Variants in EPS8 observed in about 807,000 individuals in gnomAD.
EPS8 encodes EGFR pathway substrate 8, signaling adaptor, also known as epidermal growth factor receptor kinase substrate 8.
A neutral mutation model predicts 103.8 loss-of-function variants in EPS8; 42 were observed. That is an observed-to-expected ratio of 0.40 (90% CI 0.32 to 0.52). EPS8 has a LOEUF of 0.52. Among genes scored for constraint, EPS8 ranks in the 20% least tolerant of loss-of-function variants. EPS8 has a pLI of 0.40. For synonymous variants in EPS8, 344 were observed against 344.6 expected (o/e 1.00, Z 0.02); for missense variants, 969 against 1,005.1 (o/e 0.96, Z 0.49).
chr12:15,696,603 T>C lies in EPS8; in HGVS notation c.-21-13631A>G, dbSNP rs1271802121. Among the ~76,000 whole-genome samples the C allele has an allele frequency of 1.6e-4, 24 of 152,046 alleles. 1 individual carries two copies. The highest frequency in any genetic ancestry group is 1.6e-3 in the Admixed American group (24 of 15,260). ...TTGCAGTGAGCCAAGATCGCACCAT[T>C]GAACTCCAGCCTGGCGACAGAGCGA... is the stretch of plus-strand genomic sequence containing the variant. On this transcript the variant is annotated intron_variant, in intron 1 of 20. Transcript: ENST00000281172. This position sits in a 1 kb window ranked among gnomAD's most constrained non-coding sequence, Gnocchi z 4.8.
chr12:15,662,199 C>T (rs1945618141), intron 8 of EPS8, 100 bp from the exon 9 acceptor site: 1 of 1,549,474 alleles, frequency 6.5e-7, no homozygotes, highest in East Asian at 2.3e-5. Flanking sequence ...GGACCATTTG[C>T]CAAAGGGAAC....
Position 15,739,012 on chromosome 12 carries a change from C to T in EPS8, c.-22+50149G>A, listed in dbSNP as rs112897876. 1.2e-3 allele frequency among the ~76,000 whole-genome samples: 186 copies of T among 152,280 alleles called. 4 individuals carry two copies. The East Asian group carries it at 0.031, about 25-fold the overall frequency. On this transcript the variant is annotated intron_variant, in intron 1 of 20. Transcript: ENST00000281172. ...TGCTCTAATATAGCACAGACTACAT[C>T]CCTGGGTTACTATTCTAAGCCTAGA...
Position 15,640,084 on chromosome 12 carries a change from T to G in EPS8, c.1821+619A>C, listed in dbSNP as rs909296531. Among the ~76,000 whole-genome samples, 4 of 152,328 alleles carry G rather than the reference T, an allele frequency of 2.6e-5. No homozygotes were observed. In the East Asian group the frequency reaches 7.7e-4, roughly 29 times the overall value. On this transcript the variant is annotated intron_variant, in intron 17 of 20. Coordinates refer to ENST00000281172, the MANE Select transcript of EPS8 (RefSeq NM_004447.6). ...ACCAGGGTCACTGAAATCCTGAAAA[T>G]GTGGCATGGGCCATAAGAATGGACC...
chr12:15,690,444 A>C lies in EPS8; in HGVS notation c.-21-7472T>G, dbSNP rs1338214364. 2.0e-5 allele frequency among the ~76,000 whole-genome samples: 3 copies of C among 151,994 alleles called. No homozygotes were observed. Among genetic ancestry groups the C allele is most frequent in the Non-Finnish European group, 2.9e-5 (2 of 68,000 alleles). On this transcript the variant is annotated intron_variant, in intron 1 of 20. Transcript: ENST00000281172. The surrounding 1 kb of genome is among the most constrained non-coding windows in gnomAD (Gnocchi z 4.7). ...TTACACTACCCCCAAACTACTTCTC[A>C]TATATTTTATTGATAGTCACTATTT...
At chr12:15,724,328 C>G (rs1946629655) in intron 1 of EPS8, among the ~76,000 whole-genome samples, 2 of 152,070 alleles carry the variant, frequency 1.3e-5, no homozygotes, top group Non-Finnish European at 2.9e-5. Flanking sequence ...ATCATATAAA[C>G]TAATTCAGAT....
chr12:15,680,924 A>C (rs116295643), intron 3 of EPS8, among the ~76,000 whole-genome samples: 36 of 152,218 alleles, frequency 2.4e-4, no homozygotes, highest in African/African-American at 8.7e-4. Context: ...AGTCACAAAG[A>C]TCAACAAACA....
At chr12:15,656,228 A>T in intron 12 of EPS8, among the ~76,000 whole-genome samples, 1 of 44,614 alleles carries the variant, frequency 2.2e-5, no homozygotes, top group East Asian at 9.4e-4. Context: ...AGATAGCATC[A>T]AAAATGTTAA....
In EPS8 at chr12:15,774,710, T is replaced by A. The variant is rs796875151; in HGVS notation, c.-22+14451A>T. On this transcript the variant is annotated intron_variant, in intron 1 of 20. Coordinates refer to ENST00000281172, the MANE Select transcript of EPS8 (RefSeq NM_004447.6). ...ATAAATATATAAATATATATATATATAAAAAATAGTGACCAAAATATTTGG... is the reference window on the plus strand; with the variant it reads ...ATAAATATATAAATATATATATATAAAAAAAATAGTGACCAAAATATTTGG... 1.5e-4 allele frequency among the ~76,000 whole-genome samples: 22 copies of A among 147,806 alleles called. No homozygotes were observed. In the East Asian group the frequency reaches 1.8e-3, roughly 12 times the overall value.
chr12:15,737,176 C>T (rs1184845356), intron 1 of EPS8, among the ~76,000 whole-genome samples: 1 of 151,988 alleles, frequency 6.6e-6, no homozygotes, highest in Admixed American at 6.5e-5. Context: ...AAAATACCAC[C>T]ATAAATATCA....
chr12:15,661,438 C>T (rs558252520), intron 9 of EPS8, among the ~76,000 whole-genome samples: 2 of 152,146 alleles, frequency 1.3e-5, no homozygotes, highest in South Asian at 4.1e-4. Flanking sequence ...TCTCAATAAG[C>T]TGGTAACATG....
intron 12 of EPS8, among the ~76,000 whole-genome samples, chr12:15,655,974 C>A (rs1945501274): frequency 6.6e-6 from 1 of 152,136 alleles, no homozygotes; most frequent in Non-Finnish European, 1.5e-5. Context: ...TTGGAGAGAC[C>A]ATTAATAAGG....
At position 15,666,473 on chromosome 12, in the gene EPS8, C is replaced by T; in HGVS notation, c.566G>A (p.Gly189Glu). The change falls in exon 7 of 21, where the codon GGA (glycine) becomes GAA (glutamate). Residue 189 changes from glycine to glutamate, a missense_variant. By Grantham distance (98) the Gly-to-Glu change is moderately conservative. Coordinates refer to ENST00000281172, the MANE Select transcript of EPS8 (RefSeq NM_004447.6). ...GTCGGGCCGCCTCTTCTGTTTCCCT[C>T]CTTTACTGTCACTGATTGCACTTTC... ...DIESAISDSK[G>E]GKQKRRPDAL... 1 of 1,613,990 alleles carries T rather than the reference C, an allele frequency of 6.2e-7. No homozygotes were observed. Among genetic ancestry groups the T allele is most frequent in the South Asian group, 1.1e-5 (1 of 91,076 alleles).
rs527666040 is a variant in EPS8 at position 15,679,863 on chromosome 12, A to T, written c.136+1363T>A. Reference sequence around the variant, plus strand: ...ACTTAATAAATACTGCACTTAATAAATATCTGTCTAGAAATGAAAGACTGA... The same window carrying T: ...ACTTAATAAATACTGCACTTAATAATTATCTGTCTAGAAATGAAAGACTGA... On this transcript the variant is annotated intron_variant, in intron 3 of 20. Transcript: ENST00000281172. Among the ~76,000 whole-genome samples the T allele has an allele frequency of 2.0e-5, 3 of 152,342 alleles. No homozygotes were observed. The South Asian group carries it at 6.2e-4, about 32-fold the overall frequency.
In EPS8 at chr12:15,738,618, C is replaced by T. The variant is rs372639584; in HGVS notation, c.-22+50543G>A. Among the ~76,000 whole-genome samples the T allele has an allele frequency of 2.4e-4, 37 of 152,212 alleles. 1 individual carries two copies. The South Asian group carries it at 7.1e-3, about 29-fold the overall frequency. Reference sequence around the variant, plus strand: ...TCACTTTATGCCCTAGGGCATTCTGCATTATTATGCCCTAGGGCATTTTAA... The same window carrying T: ...TCACTTTATGCCCTAGGGCATTCTGTATTATTATGCCCTAGGGCATTTTAA... On this transcript the variant is annotated intron_variant, in intron 1 of 20. Transcript: ENST00000281172. The surrounding 1 kb of genome is among the most constrained non-coding windows in gnomAD (Gnocchi z 6.2).
intron 1 of EPS8, among the ~76,000 whole-genome samples, chr12:15,708,657 A>G (rs1946420805): frequency 6.6e-6 from 1 of 152,250 alleles, no homozygotes; most frequent in Admixed American, 6.5e-5. Flanking sequence ...AATCACGCAT[A>G]AGCAAAAGTG....
At chr12:15,667,512 A>G (rs1945736444) in intron 6 of EPS8, among the ~76,000 whole-genome samples, 1 of 152,128 alleles carries the variant, frequency 6.6e-6, no homozygotes, top group Admixed American at 6.5e-5. Context: ...ACTAAAACTG[A>G]AGATGAAAAG....
intron 7 of EPS8, 66 bp from the exon 8 acceptor site, chr12:15,665,958 A>C: frequency 6.7e-7 from 1 of 1,482,688 alleles, no homozygotes; most frequent in Non-Finnish European, 9.3e-7. Context: ...AATTAACTCA[A>C]CTTGTGGTAC....
Position 15,658,514 on chromosome 12 carries a change from G to T in EPS8, c.1009C>A (p.His337Asn), listed in dbSNP as rs771709404. The change falls in exon 11 of 21, where the codon CAC becomes AAC. Residue 337 changes from histidine to asparagine, a missense_variant. By Grantham distance (68) the His-to-Asn change is moderately conservative. Coordinates refer to ENST00000281172, the MANE Select transcript of EPS8 (RefSeq NM_004447.6). ...EFLDCFQKFK[H>N]GFNLLAKLKS... is the part of the protein sequence containing the mutation. ...TCACTTACCAGAAGGTTAAATCCGT[G>T]TTTAAACTTTTGGAAACAGTCAAGA... 6.2e-7 allele frequency: 1 copy of T among 1,610,396 alleles called. No homozygotes were observed. Among genetic ancestry groups the T allele is most frequent in the Non-Finnish European group, 8.5e-7 (1 of 1,176,826 alleles).
chr12:15,647,912 G>A (rs1234620959), intron 14 of EPS8, among the ~76,000 whole-genome samples: 14 of 152,194 alleles, frequency 9.2e-5, no homozygotes, highest in Non-Finnish European at 2.1e-4. Flanking sequence ...CCCCAGGGCC[G>A]GGGATGATGG....
Sources: allele counts gnomAD v4.1 joint callset (sites outside exome capture counted in the v4.1 genomes callset), GRCh38; gene constraint gnomAD v4.1.1; non-coding constraint Gnocchi (gnomAD v3.1); transcripts MANE v1.5; gene names NCBI Gene and HGNC (gene_info 2026-07-23, HGNC 2026-07-21).